SLC2A13: variants seen among roughly 807,000 people sequenced by gnomAD.
SLC2A13 encodes solute carrier family 2 member 13.
SLC2A13 carries 32 observed loss-of-function variants against 64.4 expected under a neutral mutation model. That is an observed-to-expected ratio of 0.50 (90% CI 0.37 to 0.67). SLC2A13 has a LOEUF of 0.67. Ranked by LOEUF, SLC2A13 falls within the 30% of genes least tolerant of loss-of-function variation. SLC2A13 has a pLI of 0.00. For synonymous variants in SLC2A13, 338 were observed against 327.1 expected (o/e 1.03, Z -0.36); for missense variants, 743 against 829.2 (o/e 0.90, Z 1.28).
chr12:39,893,301 CTCTTT>C (rs1217421173), intron 4 of SLC2A13, among the ~76,000 whole-genome samples: 6 of 152,080 alleles, frequency 3.9e-5, no homozygotes, highest in African/African-American at 1.2e-4. Flanking sequence ...AGTTTTATAG[CTCTTT>C]TCTTTTCTTT....
rs375534988 is a variant in SLC2A13, at chr12:40,044,175, T to A, written c.716+3876A>T. On this transcript the variant is annotated intron_variant, in intron 2 of 9. Transcript: ENST00000280871. ...AAAGAAATGAAGTACTGACACATACTACAACTTAGATGAACCTTGAAAATT... is the reference window on the plus strand; with the variant it reads ...AAAGAAATGAAGTACTGACACATACAACAACTTAGATGAACCTTGAAAATT... Among the ~76,000 whole-genome samples the A allele has an allele frequency of 2.6e-5, 4 of 152,300 alleles. No individual in the cohort carries two copies. In the East Asian group the frequency reaches 7.7e-4, roughly 29 times the overall value.
At chr12:40,090,908 A>G (rs766910595) in intron 1 of SLC2A13, among the ~76,000 whole-genome samples, 2 of 152,226 alleles carry the variant, frequency 1.3e-5, no homozygotes, top group African/African-American at 2.4e-5. Flanking sequence ...TATTCTTGGT[A>G]AAGATGTGCA....
intron 3 of SLC2A13, among the ~76,000 whole-genome samples, chr12:39,961,077 CTTTTTTTTTT>C (rs1014189208): frequency 1.5e-5 from 2 of 133,782 alleles, no homozygotes; most frequent in Non-Finnish European, 3.3e-5. Flanking sequence ...ATGTTTTTTT[CTTTTTTTTTT>C]TTTTACTTTG....
chr12:39,895,061 G>A (rs1476983742), intron 4 of SLC2A13, among the ~76,000 whole-genome samples: 1 of 151,946 alleles, frequency 6.6e-6, no homozygotes, highest in Admixed American at 6.6e-5. Context: ...TTGAGATGGG[G>A]TCTCACTATG....
At chr12:39,784,405 C>G (rs1007930315) in intron 7 of SLC2A13, among the ~76,000 whole-genome samples, 3 of 152,048 alleles carry the variant, frequency 2.0e-5, no homozygotes, top group Non-Finnish European at 4.4e-5. Context: ...GAACAGAGCC[C>G]GCAGAAATAA....
chr12:40,016,423 TATATAA>T (rs1472105784), intron 3 of SLC2A13, among the ~76,000 whole-genome samples: 1 of 152,202 alleles, frequency 6.6e-6, no homozygotes, highest in African/African-American at 2.4e-5. Context: ...AAAGTGGGTG[TATATAA>T]ATATAAACTA....
At chr12:40,026,498 T>C (rs1202635597) in intron 3 of SLC2A13, among the ~76,000 whole-genome samples, 2 of 152,190 alleles carry the variant, frequency 1.3e-5, no homozygotes, top group Non-Finnish European at 2.9e-5. Flanking sequence ...TTCCGAATAA[T>C]GTCTAAAACT....
intron 4 of SLC2A13, among the ~76,000 whole-genome samples, chr12:39,943,440 G>A (rs1946076884): frequency 6.6e-6 from 1 of 152,334 alleles, no homozygotes; most frequent in South Asian, 2.1e-4. Flanking sequence ...CTTTCTTTCA[G>A]AGAGGCCCTG....
intron 7 of SLC2A13, among the ~76,000 whole-genome samples, chr12:39,790,147 T>C (rs987882718): frequency 1.3e-5 from 2 of 150,652 alleles, no homozygotes; most frequent in African/African-American, 2.4e-5. Flanking sequence ...TTTGACAGAC[T>C]AAGGTTAATT....
intron 3 of SLC2A13, among the ~76,000 whole-genome samples, chr12:39,986,713 G>A (rs536788829): frequency 1.2e-4 from 18 of 149,142 alleles, no homozygotes; most frequent in African/African-American, 3.7e-4. Context: ...AAAAAAAAGA[G>A]GGAGGGTGTT....
At chr12:39,838,236 C>T (rs1349551541) in intron 6 of SLC2A13, among the ~76,000 whole-genome samples, 2 of 150,392 alleles carry the variant, frequency 1.3e-5, no homozygotes, top group Non-Finnish European at 3.0e-5. Context: ...TAAACTGTCG[C>T]AAGATCAAAA....
chr12:39,890,171 T>C (rs1944568521), intron 4 of SLC2A13, among the ~76,000 whole-genome samples: 3 of 152,172 alleles, frequency 2.0e-5, no homozygotes, highest in South Asian at 2.1e-4. Flanking sequence ...TTGAGTTATA[T>C]GTAATGAAGA....
At chr12:39,974,441 C>T (rs1452735626) in intron 3 of SLC2A13, among the ~76,000 whole-genome samples, 4 of 152,130 alleles carry the variant, frequency 2.6e-5, no homozygotes, top group South Asian at 2.1e-4. Flanking sequence ...AGGATGATGA[C>T]GCAAACCAAG....
intron 1 of SLC2A13, among the ~76,000 whole-genome samples, chr12:40,060,439 T>TA (rs1948401648): frequency 6.6e-6 from 1 of 152,176 alleles, no homozygotes; most frequent in Non-Finnish European, 1.5e-5. Context: ...TCTTCATACT[T>TA]ATGGAAAGGG....
rs572915916 is a variant in SLC2A13 at position 39,763,671 on chromosome 12, C to T, written c.1720+789G>A. Reference sequence around the variant, plus strand: ...TCTTCTGGGAGAATGGTCTAAGCAGCAGGCATTCCGTCTCTACCACATGGA... The same window carrying T: ...TCTTCTGGGAGAATGGTCTAAGCAGTAGGCATTCCGTCTCTACCACATGGA... On this transcript the variant is annotated intron_variant, in intron 9 of 9. Transcript: ENST00000280871. Among the ~76,000 whole-genome samples the T allele has an allele frequency of 3.9e-5, 6 of 152,216 alleles. No homozygotes were observed. In the South Asian group the frequency reaches 1.2e-3, roughly 32 times the overall value.
At chr12:39,961,591 T>C (rs567458294) in intron 3 of SLC2A13, among the ~76,000 whole-genome samples, 2 of 152,290 alleles carry the variant, frequency 1.3e-5, no homozygotes, top group Admixed American at 1.3e-4. Context: ...CTTAAACTTC[T>C]GGACTCGAGC....
At chr12:39,840,827 T>C (rs1943160981) in intron 6 of SLC2A13, among the ~76,000 whole-genome samples, 1 of 152,080 alleles carries the variant, frequency 6.6e-6, no homozygotes, top group African/African-American at 2.4e-5. Flanking sequence ...TCCTAGAGAT[T>C]TCCATGTTGC....
chr12:40,098,345 G>T (rs1939033776), intron 1 of SLC2A13, among the ~76,000 whole-genome samples: 2 of 152,172 alleles, frequency 1.3e-5, no homozygotes, highest in African/African-American at 4.8e-5. Flanking sequence ...GGGAAGAGAG[G>T]CTGGGGAATT....
At chr12:40,023,182 T>C (rs992312566) in intron 3 of SLC2A13, among the ~76,000 whole-genome samples, 1 of 152,210 alleles carries the variant, frequency 6.6e-6, no homozygotes, top group African/African-American at 2.4e-5. Context: ...AGAGAAAGCT[T>C]TTGTTGTTCA....
Sources: gnomAD v4.1 joint callset for allele counts (sites outside exome capture counted in the v4.1 genomes callset) on GRCh38, gnomAD v4.1.1 for gene constraint, MANE v1.5 for transcripts, NCBI Gene and HGNC (gene_info 2026-07-23, HGNC 2026-07-21) for gene names.